SEMA6A: variants seen among roughly 807,000 people sequenced by gnomAD.
SEMA6A encodes semaphorin-6A.
Under a neutral mutation model 96.8 loss-of-function variants are expected in SEMA6A, and 25 were observed. That is an observed-to-expected ratio of 0.26 (90% CI 0.19 to 0.36). SEMA6A has a LOEUF of 0.36. Among genes scored for constraint, SEMA6A ranks in the 10% least tolerant of loss-of-function variants. The pLI is 1.00. For missense variants in SEMA6A, 1,363 were observed against 1,323.1 expected, an observed-to-expected ratio of 1.03 and a Z score of -0.47; for synonymous variants, 612 against 518.0, an observed-to-expected ratio of 1.18 and a Z score of -2.46.
intron 1 of SEMA6A, among the ~76,000 whole-genome samples, chr5:116,552,435 A>C (rs1199071902): frequency 6.6e-6 from 1 of 152,182 alleles, no homozygotes; most frequent in Non-Finnish European, 1.5e-5. Context: ...GAGATGGTGC[A>C]TATAAAAAAG....
chr5:116,520,214 C>A (rs1007235092), intron 1 of SEMA6A, among the ~76,000 whole-genome samples: 1 of 151,728 alleles, frequency 6.6e-6, no homozygotes. Context: ...AATGTCACTT[C>A]CTCAGACAGG....
At chr5:116,521,126 A>G (rs1222996662) in intron 1 of SEMA6A, among the ~76,000 whole-genome samples, 1 of 152,240 alleles carries the variant, frequency 6.6e-6, no homozygotes, top group Non-Finnish European at 1.5e-5. Context: ...ATCATGGCCA[A>G]TGACAGAAAG....
intron 1 of SEMA6A, among the ~76,000 whole-genome samples, chr5:116,522,982 AG>A (rs2112820197): frequency 6.6e-6 from 1 of 152,294 alleles, no homozygotes. Flanking sequence ...TAGAGAGAAA[AG>A]AAAGAATTCA....
intron 1 of SEMA6A, among the ~76,000 whole-genome samples, chr5:116,531,037 C>G (rs2112839502): frequency 6.6e-6 from 1 of 152,224 alleles, no homozygotes; most frequent in Admixed American, 6.5e-5. Context: ...GGATTTGAAC[C>G]TGGGACAAAC....
At chr5:116,520,242 A>G (rs901611580) in intron 1 of SEMA6A, among the ~76,000 whole-genome samples, 2 of 149,030 alleles carry the variant, frequency 1.3e-5, no homozygotes, top group South Asian at 2.1e-4. Flanking sequence ...TGAGCCCCCA[A>G]AGCAGCCTGA....
intron 1 of SEMA6A, among the ~76,000 whole-genome samples, chr5:116,506,000 C>T (rs1052541700): frequency 2.2e-4 from 34 of 152,116 alleles, no homozygotes; most frequent in Non-Finnish European, 4.7e-4. Context: ...CTTTCCAGAG[C>T]AGTAAACTCT....
At chr5:116,448,061 C>T (rs1294400000) in intron 18 of SEMA6A, among the ~76,000 whole-genome samples, 1 of 151,272 alleles carries the variant, frequency 6.6e-6, no homozygotes, top group East Asian at 1.9e-4. Context: ...AGGCCGGGCA[C>T]GGTGACTCAC....
chr5:116,532,152 G>A (rs1018977190), intron 1 of SEMA6A, among the ~76,000 whole-genome samples: 3 of 152,174 alleles, frequency 2.0e-5, no homozygotes, highest in South Asian at 4.1e-4. Context: ...TTGTGGCACC[G>A]AGGAACAAGC....
chr5:116,546,797 C>G (rs1283265552), intron 1 of SEMA6A, among the ~76,000 whole-genome samples: 1 of 152,182 alleles, frequency 6.6e-6, no homozygotes, highest in Non-Finnish European at 1.5e-5. Flanking sequence ...GCTTCCAAAA[C>G]TCAGAGCCTG....
At chr5:116,466,600 T>C (rs563280805) in intron 18 of SEMA6A, among the ~76,000 whole-genome samples, 31 of 152,144 alleles carry the variant, frequency 2.0e-4, no homozygotes, top group African/African-American at 7.2e-4. Flanking sequence ...CCGGAAAGCA[T>C]TGTCTAAAAG....
intron 12 of SEMA6A, 101 bp from the exon 13 acceptor site, chr5:116,478,819 C>T (rs939596569): frequency 8.7e-7 from 1 of 1,147,886 alleles, no homozygotes; most frequent in Non-Finnish European, 1.2e-6. Context: ...CTAGTAATAA[C>T]CTCAAGAAAA....
chr5:116,556,735 G>A (rs898049201), intron 1 of SEMA6A, among the ~76,000 whole-genome samples: 3 of 152,144 alleles, frequency 2.0e-5, no homozygotes, highest in Non-Finnish European at 4.4e-5. Context: ...TGTGTGTAGC[G>A]CTAATATGAT....
chr5:116,521,590 A>G (rs907455475), intron 1 of SEMA6A, among the ~76,000 whole-genome samples: 5 of 152,222 alleles, frequency 3.3e-5, no homozygotes, highest in Non-Finnish European at 1.5e-5. Flanking sequence ...AAAGCACTGC[A>G]GCTCTTCTTC....
rs776087798 is a variant in SEMA6A, at chr5:116,495,467, A to T, written c.390T>A (p.Asp130Glu). Residue 130 changes from aspartate (D) to glutamate (E), a missense_variant, in exon 6 of 19, where the codon GAT becomes GAA. This residue lies in a region of SEMA6A where 480 missense variants were observed against 559.5 expected (regional missense o/e 0.86). Coordinates refer to ENST00000343348, the MANE Select transcript of SEMA6A (RefSeq NM_020796.5). ...CATTAGTTCCACAGACAAACAATGC[A>T]TCATCGTTTTTCTTTAGAAGAACTT... ...FIKVLLKKND[D>E]ALFVCGTNAF... 1.2e-6 allele frequency: 2 copies of T among 1,609,950 alleles called. No individual in the cohort carries two copies. Among genetic ancestry groups the T allele is most frequent in the Admixed American group, 1.7e-5 (1 of 59,542 alleles).
intron 1 of SEMA6A, among the ~76,000 whole-genome samples, chr5:116,518,543 C>G (rs1024301805): frequency 7.2e-5 from 11 of 152,094 alleles, no homozygotes; most frequent in African/African-American, 2.7e-4. Context: ...CAAGAAGAAA[C>G]CAAACTAAAG....
intron 18 of SEMA6A, among the ~76,000 whole-genome samples, chr5:116,454,351 C>G (rs1406748997): frequency 6.6e-6 from 1 of 152,148 alleles, no homozygotes; most frequent in Non-Finnish European, 1.5e-5. Context: ...TAAGACAAGC[C>G]TACAATTTCC....
chr5:116,533,233 C>T (rs1470830158), intron 1 of SEMA6A, among the ~76,000 whole-genome samples: 1 of 151,114 alleles, frequency 6.6e-6, no homozygotes, highest in Non-Finnish European at 1.5e-5. Flanking sequence ...TACTCTATGT[C>T]ATAGATTTCC....
chr5:116,465,760 C>T (rs751856848), intron 18 of SEMA6A, among the ~76,000 whole-genome samples: 1 of 152,162 alleles, frequency 6.6e-6, no homozygotes, highest in Non-Finnish European at 1.5e-5. Flanking sequence ...AAGAAAATTA[C>T]TGCAACCAAC....
chr5:116,485,384 T>G (rs1298838354), intron 10 of SEMA6A, among the ~76,000 whole-genome samples: 1 of 152,186 alleles, frequency 6.6e-6, no homozygotes, highest in Non-Finnish European at 1.5e-5. Flanking sequence ...TTTTTCAAAA[T>G]CCTAGAGAGA....
Sources: allele counts gnomAD v4.1 joint callset (sites outside exome capture counted in the v4.1 genomes callset), GRCh38; gene constraint gnomAD v4.1.1; regional missense constraint gnomAD v4.1.1; transcripts MANE v1.5; gene names NCBI Gene and HGNC (gene_info 2026-07-23, HGNC 2026-07-21).